The following EIF4E3 variants were observed in gnomAD, a reference collection of about 807,000 sequenced individuals.
EIF4E3 encodes the protein eukaryotic translation initiation factor 4E family member 3, also known as eukaryotic translation initiation factor 4E type 3.
In EIF4E3, 26 loss-of-function variants were observed where a neutral mutation model predicts 31.7. The observed-to-expected ratio is 0.82, with a 90% CI of 0.60 to 1.14. The LOEUF is 1.14. Ranked by LOEUF, EIF4E3 falls within the 50% of genes most tolerant of loss-of-function variation. The probability of loss-of-function intolerance (pLI) is 0.00; values close to 1 mark genes in which losing one functional copy is unlikely to be tolerated. For synonymous variants in EIF4E3, 128 were observed against 107.7 expected, an observed-to-expected ratio of 1.19 and a Z score of -1.17; for missense variants, 304 against 270.9, an observed-to-expected ratio of 1.12 and a Z score of -0.86.
chr3:71,738,835 A>C (rs1198685764), intron 1 of EIF4E3, among the ~76,000 whole-genome samples: 1 of 152,062 alleles, frequency 6.6e-6, no homozygotes, highest in East Asian at 1.9e-4. Flanking sequence ...ACTTTAGCAG[A>C]ACACAATTTT....
chr3:71,665,258 A>C, the EIF4E3 span, among the ~76,000 whole-genome samples: 1 of 152,190 alleles, frequency 6.6e-6, no homozygotes, highest in African/African-American at 2.4e-5. Flanking sequence ...CTTTAGTACG[A>C]GTTTCCAAGG....
At chr3:71,665,909 A>G in the EIF4E3 span, among the ~76,000 whole-genome samples, 1 of 152,252 alleles carries the variant, frequency 6.6e-6, no homozygotes, top group African/African-American at 2.4e-5. Flanking sequence ...AATGAGAACA[A>G]AGACACAATG....
rs113971936 is a variant in EIF4E3 at position 71,713,138 on chromosome 3, A to G, written c.177-2654T>C. Among the ~76,000 whole-genome samples, 973 of 152,314 alleles carry G rather than the reference A, an allele frequency of 6.4e-3. 14 individuals carry two copies. Among genetic ancestry groups the G allele is most frequent in the African/African-American group, 0.02 (828 of 41,572 alleles). ...GTGCCGAATTCTTGCTAGTGTGCTG[A>G]GCCTCTGACCTCCGTTGAAGCACTG... On this transcript the variant is annotated intron_variant, in intron 1 of 6. Coordinates refer to ENST00000425534, the MANE Select transcript of EIF4E3 (RefSeq NM_001134651.2).
intron 3 of EIF4E3, among the ~76,000 whole-genome samples, chr3:71,697,340 C>T (rs2049153792): frequency 6.6e-6 from 1 of 152,192 alleles, no homozygotes; most frequent in Non-Finnish European, 1.5e-5. Context: ...TATTTTGATA[C>T]ATGCATACAA....
the EIF4E3 span, among the ~76,000 whole-genome samples, chr3:71,664,468 C>T: frequency 1.3e-5 from 2 of 151,992 alleles, no homozygotes; most frequent in East Asian, 3.9e-4. Context: ...TTAAGCCTGG[C>T]CTGGCACAGC....
chr3:71,737,283 T>A (rs2049773456), intron 1 of EIF4E3, among the ~76,000 whole-genome samples: 3 of 152,184 alleles, frequency 2.0e-5, no homozygotes, highest in Non-Finnish European at 4.4e-5. Flanking sequence ...GTCTTTGACT[T>A]ATGAAAATAT....
chr3:71,690,317 G>T, intron 5 of EIF4E3, 152 bp from the exon 6 acceptor site: 2 of 895,446 alleles, frequency 2.2e-6, no homozygotes, highest in Non-Finnish European at 3.2e-6. Context: ...TTGTTTCTAT[G>T]GGGAATCACT....
At chr3:71,688,450 G>A (rs190537561) in intron 6 of EIF4E3, among the ~76,000 whole-genome samples, 3 of 152,302 alleles carry the variant, frequency 2.0e-5, no homozygotes, top group East Asian at 1.9e-4. Flanking sequence ...CAACCTCCTC[G>A]ATACTCAGAT....
upstream of EIF4E3, chr3:71,725,436 G>T: frequency 1.2e-6 from 1 of 869,464 alleles, no homozygotes; most frequent in Non-Finnish European, 1.4e-6. The surrounding 1 kb of genome is among the most constrained non-coding windows in gnomAD (Gnocchi z 6.1). Flanking sequence ...AGTCACCCCC[G>T]GCCCCCGCCC....
intron 1 of EIF4E3, among the ~76,000 whole-genome samples, chr3:71,747,013 T>C (rs2049880745): frequency 1.3e-5 from 2 of 152,258 alleles, no homozygotes; most frequent in African/African-American, 4.8e-5. Flanking sequence ...TATGACATTT[T>C]ATTTATCCAT....
intron 6 of EIF4E3, 97 bp from the exon 7 acceptor site, chr3:71,684,825 C>T (rs1051226864): frequency 5.5e-6 from 7 of 1,266,302 alleles, no homozygotes; most frequent in Non-Finnish European, 7.6e-6. Context: ...TCAGCTTCCC[C>T]AAATGTTGGC....
At chr3:71,754,054 CGAACGCGAGCGAGCCGGGTG>C, upstream of EIF4E3, 1 of 1,263,724 alleles carries the variant, frequency 7.9e-7, no homozygotes, top group Non-Finnish European at 1.0e-6. This position sits in a 1 kb window ranked among gnomAD's most constrained non-coding sequence, Gnocchi z 5.8. Context: ...GCCGCGATGG[CGAACGCGAGCGAGCCGGGTG>C]GCAGCGGCGG....
intron 1 of EIF4E3, among the ~76,000 whole-genome samples, chr3:71,734,343 AG>A (rs1376837678): frequency 4.7e-5 from 7 of 148,796 alleles, no homozygotes; most frequent in African/African-American, 1.7e-4. Context: ...GAGATAGCTG[AG>A]TCACTTTCGT....
Position 71,725,278 on chromosome 3 carries a change from C to A in EIF4E3, c.90G>T (p.Pro30=). The A allele has an allele frequency of 9.8e-7, 1 of 1,022,024 alleles. No individual in the cohort carries two copies. The highest frequency in any genetic ancestry group is 1.2e-6 in the Non-Finnish European group (1 of 856,062). 63.3% of individuals were successfully genotyped at this position (1,022,024 alleles called of 1,614,324 possible). A position where few individuals can be genotyped will look rare whatever the true frequency, so the allele number is the denominator to read the frequency against. ...CCGACAGCTGCTGCAGGCCGAGCGGCGGCTCGGGGGCGGCGGCAGCGGCGG... is the reference window on the plus strand; with the variant it reads ...CCGACAGCTGCTGCAGGCCGAGCGGAGGCTCGGGGGCGGCGGCAGCGGCGG... ...RAAAAAAAPE[P]PLGLQQLSAL... is the part of the protein sequence containing the mutation. Residue 30 remains proline, a synonymous_variant, in exon 1 of 7, where the codon CCG becomes CCT. Transcript: ENST00000425534. This position sits in a 1 kb window ranked among gnomAD's most constrained non-coding sequence, Gnocchi z 6.1.
At chr3:71,722,295 A>G (rs934517578) in intron 1 of EIF4E3, among the ~76,000 whole-genome samples, 9 of 152,234 alleles carry the variant, frequency 5.9e-5, no homozygotes, top group Non-Finnish European at 8.8e-5. Flanking sequence ...ACAAAGGGGA[A>G]GGAGCACTGG....
intron 1 of EIF4E3, among the ~76,000 whole-genome samples, chr3:71,753,159 T>TCTGCTTC (rs1366311633): frequency 1.3e-5 from 2 of 152,148 alleles, no homozygotes; most frequent in Admixed American, 1.3e-4. Flanking sequence ...CCTCCAAGCC[T>TCTGCTTC]CTGCTTCCTG....
intron 2 of EIF4E3, among the ~76,000 whole-genome samples, chr3:71,701,865 T>G (rs973807552): frequency 6.6e-6 from 1 of 152,236 alleles, no homozygotes; most frequent in African/African-American, 2.4e-5. Context: ...AAAATGGTGC[T>G]AGTGTAGTGA....
chr3:71,684,505 A>G lies in EIF4E3; in HGVS notation c.*177T>C. ...AAGTAATGTGACGGTAGAAACCCACACAATCTCCCCCCACCCCACCTGCCA... is the reference window on the plus strand; with the variant it reads ...AAGTAATGTGACGGTAGAAACCCACGCAATCTCCCCCCACCCCACCTGCCA... On this transcript the variant is annotated 3_prime_UTR_variant, in exon 7 of 7. Transcript: ENST00000425534. 1 of 477,222 alleles carries G rather than the reference A, an allele frequency of 2.1e-6. No individual in the cohort carries two copies. Among genetic ancestry groups the G allele is most frequent in the Non-Finnish European group, 3.5e-6 (1 of 282,022 alleles). The allele number at this position is 477,222 out of a possible 1,614,324, so 29.6% of individuals were successfully genotyped here. A position where few individuals can be genotyped will look rare whatever the true frequency, so the allele number is the denominator to read the frequency against.
rs1293901313 is a variant in EIF4E3 at position 71,725,340 on chromosome 3, G to C, written c.28C>G (p.Pro10Ala). The stretch of plus-strand genomic sequence containing the variant: ...CCCGGCGGCTCCCGGGCCCCGGCGG[G>C]GGGCGCGGCGGCCGGGGGCAGCGCC... MALPPAAAP[P>A]AGAREPPGSR... is the part of the protein sequence containing the mutation. Residue 10 changes from proline (P) to alanine (A), a missense_variant, in exon 1 of 7, where the codon CCC (proline) becomes GCC (alanine). By Grantham distance (27) the Pro-to-Ala change is conservative. Coordinates refer to ENST00000425534, the MANE Select transcript of EIF4E3 (RefSeq NM_001134651.2). The surrounding 1 kb of genome is among the most constrained non-coding windows in gnomAD (Gnocchi z 6.1). 1 of 973,268 alleles carries C rather than the reference G, an allele frequency of 1.0e-6. No homozygotes were observed. Among genetic ancestry groups the C allele is most frequent in the African/African-American group, 1.8e-5 (1 of 56,374 alleles). The allele number at this position is 973,268 out of a possible 1,614,324, so 60.3% of individuals were successfully genotyped here.
Sources: allele counts gnomAD v4.1 joint callset (sites outside exome capture counted in the v4.1 genomes callset), GRCh38; gene constraint gnomAD v4.1.1; non-coding constraint Gnocchi (gnomAD v3.1); transcripts MANE v1.5; gene names NCBI Gene and HGNC (gene_info 2026-07-23, HGNC 2026-07-21).